Variants in PHYHIPL observed in about 807,000 individuals in gnomAD.
PHYHIPL encodes the protein phytanoyl-CoA 2-hydroxylase interacting protein like.
A neutral mutation model predicts 33.4 loss-of-function variants in PHYHIPL; 9 were observed. That is an observed-to-expected ratio of 0.27 (90% CI 0.16 to 0.47). The LOEUF (loss-of-function observed/expected upper bound fraction) is 0.47, where lower values mean the gene tolerates loss of function less well. Ranked by LOEUF, PHYHIPL falls within the 20% of genes least tolerant of loss-of-function variation. The probability of loss-of-function intolerance (pLI) is 0.99; values close to 1 mark genes in which losing one functional copy is unlikely to be tolerated. For synonymous variants in PHYHIPL, 153 were observed against 154.1 expected, an observed-to-expected ratio of 0.99 and a Z score of 0.05; for missense variants, 365 against 460.7, an observed-to-expected ratio of 0.79 and a Z score of 1.90.
chr10:59,233,971 CTTTCA>C (rs1840151786), intron 1 of PHYHIPL, among the ~76,000 whole-genome samples: 1 of 151,658 alleles, frequency 6.6e-6, no homozygotes, highest in South Asian at 2.1e-4. Flanking sequence ...TGGATGGGCC[CTTTCA>C]TTATCAACAT....
chr10:59,224,499 A>ACAAAACAAAG (rs1554798691), intron 1 of PHYHIPL, among the ~76,000 whole-genome samples: 13 of 151,918 alleles, frequency 8.6e-5, no homozygotes, highest in Admixed American at 8.5e-4. Flanking sequence ...ACAAAACAAA[A>ACAAAACAAAG]AACAAAACAA....
intron 1 of PHYHIPL, among the ~76,000 whole-genome samples, chr10:59,223,296 T>G (rs920676034): frequency 6.6e-6 from 1 of 152,228 alleles, no homozygotes; most frequent in Non-Finnish European, 1.5e-5. Context: ...CGATCCTTCT[T>G]GGATCAGTCT....
intron 1 of PHYHIPL, chr10:59,221,668 T>C (rs959436406): frequency 1.0e-6 from 1 of 984,750 alleles, no homozygotes; most frequent in African/African-American, 1.7e-5. Flanking sequence ...TTCTATGAAC[T>C]GTGGAAATCT....
At chr10:59,182,308 C>A (rs1333977215) in intron 1 of PHYHIPL, among the ~76,000 whole-genome samples, 2 of 152,006 alleles carry the variant, frequency 1.3e-5, no homozygotes, top group African/African-American at 4.8e-5. Context: ...ACTATAAAAC[C>A]TATACCTCCT....
chr10:59,176,400 C>G (rs185472914), upstream of PHYHIPL, among the ~76,000 whole-genome samples: 6 of 152,184 alleles, frequency 3.9e-5, no homozygotes, highest in Non-Finnish European at 8.8e-5. Context: ...GCTCGCCCTT[C>G]CCGCGCGCTC....
chr10:59,182,236 C>T (rs1008743467), intron 1 of PHYHIPL, among the ~76,000 whole-genome samples: 3 of 152,006 alleles, frequency 2.0e-5, no homozygotes, highest in African/African-American at 7.3e-5. Flanking sequence ...GATTTATTTT[C>T]CATTTCTGTT....
intron 1 of PHYHIPL, among the ~76,000 whole-genome samples, chr10:59,199,615 A>G (rs1209038746): frequency 5.9e-5 from 9 of 152,226 alleles, no homozygotes; most frequent in African/African-American, 1.7e-4. Context: ...AGCTTGATGG[A>G]AATGGCATTG....
At chr10:59,184,596 A>C (rs1407215399) in intron 1 of PHYHIPL, among the ~76,000 whole-genome samples, 2 of 151,450 alleles carry the variant, frequency 1.3e-5, no homozygotes, top group Admixed American at 6.6e-5. Flanking sequence ...ATACCATTGC[A>C]TCTGATAGGC....
In PHYHIPL at chr10:59,178,241, A is replaced by G. The variant is rs113359803; in HGVS notation, c.106+1282A>G. ...AGAATTCAAACTTTTTGAAACCAAAACCACTTTAATTTCTGATACAGGTGT... is the reference window on the plus strand; with the variant it reads ...AGAATTCAAACTTTTTGAAACCAAAGCCACTTTAATTTCTGATACAGGTGT... On this transcript the variant is annotated intron_variant, in intron 1 of 4. Transcript: ENST00000373880. Among the ~76,000 whole-genome samples the G allele has an allele frequency of 9.4e-3, 1,433 of 151,974 alleles. 28 individuals carry two copies. Among genetic ancestry groups the G allele is most frequent in the African/African-American group, 0.033 (1,377 of 41,530 alleles).
At chr10:59,177,741 C>A in intron 1 of PHYHIPL, 2 of 1,204,334 alleles carry the variant, frequency 1.7e-6, no homozygotes, top group Non-Finnish European at 2.4e-6. Context: ...GTGCTGTGTG[C>A]GGTGTGGTTA....
intron 1 of PHYHIPL, among the ~76,000 whole-genome samples, chr10:59,184,798 C>A (rs752100655): frequency 1.7e-4 from 26 of 151,372 alleles, no homozygotes; most frequent in Non-Finnish European, 2.4e-4. Flanking sequence ...TCCCTCCCCC[C>A]CTCCCCCAAC....
At chr10:59,180,313 A>AGTAT (rs1405828383) in intron 1 of PHYHIPL, among the ~76,000 whole-genome samples, 22 of 50,580 alleles carry the variant, frequency 4.3e-4, no homozygotes, top group South Asian at 3.1e-3. Flanking sequence ...ATATAGAAAA[A>AGTAT]GTATATATAT....
intron 3 of PHYHIPL, among the ~76,000 whole-genome samples, chr10:59,236,998 C>CTT (rs57712085): frequency 1.4e-5 from 2 of 141,706 alleles, no homozygotes; most frequent in Admixed American, 7.1e-5. Flanking sequence ...CTTTTTTCTC[C>CTT]TTTTTTTTTT....
At chr10:59,192,252 T>A (rs1838802395) in intron 1 of PHYHIPL, among the ~76,000 whole-genome samples, 3 of 152,144 alleles carry the variant, frequency 2.0e-5, no homozygotes, top group Non-Finnish European at 4.4e-5. Context: ...AAAAGGAAGT[T>A]AAATGATAAT....
chr10:59,191,902 G>GA (rs11433047), intron 1 of PHYHIPL, among the ~76,000 whole-genome samples: 38,526 of 151,842 alleles, frequency 0.25, 7,119 homozygotes, highest in African/African-American at 0.52. Flanking sequence ...AACTTTATCA[G>GA]AATACAATTA....
At chr10:59,183,285 T>C (rs912793757) in intron 1 of PHYHIPL, among the ~76,000 whole-genome samples, 6 of 152,190 alleles carry the variant, frequency 3.9e-5, no homozygotes, top group African/African-American at 1.4e-4. Flanking sequence ...CGTAAAGAGA[T>C]TGTTGAATCT....
rs148418170 is a variant in PHYHIPL at position 59,240,692 on chromosome 10, A to T, written c.596+1987A>T. On this transcript the variant is annotated intron_variant, in intron 4 of 4. Coordinates refer to ENST00000373880, the MANE Select transcript of PHYHIPL (RefSeq NM_032439.4). Reference sequence around the variant, plus strand: ...CATATTTCTGTTGTCTTTGGTAAGAAATACATCAAAAGAATAAATAATTAC... The same window carrying T: ...CATATTTCTGTTGTCTTTGGTAAGATATACATCAAAAGAATAAATAATTAC... Among the ~76,000 whole-genome samples, 13 of 152,230 alleles carry T rather than the reference A, an allele frequency of 8.5e-5. No individual in the cohort carries two copies. In the East Asian group the frequency reaches 2.5e-3, roughly 29 times the overall value.
At chr10:59,180,292 A>G (rs1184798518) in intron 1 of PHYHIPL, among the ~76,000 whole-genome samples, 2 of 138,436 alleles carry the variant, frequency 1.4e-5, no homozygotes, top group Admixed American at 1.5e-4. Flanking sequence ...ACACACATAT[A>G]TAATATATAT....
At chr10:59,238,764 T>G (rs1564459811) in intron 4 of PHYHIPL, 59 bp downstream of exon 4, 1 of 1,154,086 alleles carries the variant, frequency 8.7e-7, no homozygotes, top group African/African-American at 1.5e-5. Flanking sequence ...AATTCTAGGC[T>G]CAGGTTTCCC....
Sources: gnomAD v4.1 joint callset for allele counts (sites outside exome capture counted in the v4.1 genomes callset) on GRCh38, gnomAD v4.1.1 for gene constraint, MANE v1.5 for transcripts, NCBI Gene and HGNC (gene_info 2026-07-23, HGNC 2026-07-21) for gene names.